CD2AP: variants seen among roughly 807,000 people sequenced by gnomAD.
The protein encoded by CD2AP is CD2 associated protein.
Under a neutral mutation model 85.1 loss-of-function variants are expected in CD2AP, and 46 were observed. The observed-to-expected ratio is 0.54, with a 90% confidence interval of 0.43 to 0.69. CD2AP has a LOEUF of 0.69. Among genes scored for constraint, CD2AP ranks in the 30% least tolerant of loss-of-function variants. The pLI, the probability that CD2AP is intolerant of heterozygous loss-of-function variation, is 0.00. For missense variants in CD2AP, 769 were observed against 729.5 expected, an observed-to-expected ratio of 1.05 and a Z score of -0.62; for synonymous variants, 255 against 252.9, an observed-to-expected ratio of 1.01 and a Z score of -0.08.
At chr6:47,486,253 C>A (rs1765561345) in intron 1 of CD2AP, among the ~76,000 whole-genome samples, 1 of 152,086 alleles carries the variant, frequency 6.6e-6, no homozygotes, top group African/African-American at 2.4e-5. Context: ...TTATTAGAAT[C>A]ACATTTTTGT....
At chr6:47,613,283 C>G (rs1184447885) in intron 17 of CD2AP, among the ~76,000 whole-genome samples, 1 of 152,050 alleles carries the variant, frequency 6.6e-6, no homozygotes, top group African/African-American at 2.4e-5. Flanking sequence ...GTTTATTTGC[C>G]TACATTTATC....
intron 17 of CD2AP, among the ~76,000 whole-genome samples, chr6:47,622,776 G>A (rs914924576): frequency 2.0e-5 from 3 of 152,128 alleles, no homozygotes; most frequent in African/African-American, 4.8e-5. Flanking sequence ...TCTTGCAGTC[G>A]GTCTGGAGTT....
rs766301489 is a variant in CD2AP, at chr6:47,574,215, A to G, written c.693A>G (p.Thr231=). 3 of 1,614,100 alleles carry G rather than the reference A, an allele frequency of 1.9e-6. No individual in the cohort carries two copies. The highest frequency in any genetic ancestry group is 2.5e-6 in the Non-Finnish European group (3 of 1,179,974). Residue 231 remains threonine, a synonymous_variant, in exon 6 of 18, where the codon ACA becomes ACG. Coordinates refer to ENST00000359314, the MANE Select transcript of CD2AP (RefSeq NM_012120.3). ...GCTCTGTGAAACTTCGGACAAGAACATCCAGTAGTGAAACAGAAGAGAAAA... is the reference window on the plus strand; with the variant it reads ...GCTCTGTGAAACTTCGGACAAGAACGTCCAGTAGTGAAACAGAAGAGAAAA... The part of the protein sequence containing the change: ...KEGSVKLRTR[T]SSSETEEKKP...
At chr6:47,548,983 A>G (rs1767441576) in intron 4 of CD2AP, among the ~76,000 whole-genome samples, 1 of 152,092 alleles carries the variant, frequency 6.6e-6, no homozygotes, top group South Asian at 2.1e-4. Flanking sequence ...TGCAGAAAAA[A>G]CATTAGACAA....
chr6:47,579,360 T>C (rs1768405959), intron 8 of CD2AP, 25 bp from the exon 9 acceptor site: 1 of 1,354,182 alleles, frequency 7.4e-7, no homozygotes, highest in African/African-American at 1.4e-5. Flanking sequence ...GTCTATTGTC[T>C]TAATTATTCT....
Position 47,597,809 on chromosome 6 carries a change from C to T in CD2AP, c.1275-1492C>T, listed in dbSNP as rs1045698088. Among the ~76,000 whole-genome samples the T allele has an allele frequency of 2.7e-5, 4 of 150,448 alleles. 1 individual carries two copies. Among genetic ancestry groups the T allele is most frequent in the African/African-American group, 4.9e-5 (2 of 41,192 alleles). The stretch of plus-strand genomic sequence containing the variant: ...CTGGTGTCGTGGAGTTTGGGACTGT[C>T]GAGGCTGCAGAGATGGCTGTCTGGA... On this transcript the variant is annotated intron_variant, in intron 12 of 17. Coordinates refer to ENST00000359314, the MANE Select transcript of CD2AP (RefSeq NM_012120.3).
At chr6:47,532,025 A>G (rs1341826656) in intron 2 of CD2AP, among the ~76,000 whole-genome samples, 1 of 151,874 alleles carries the variant, frequency 6.6e-6, no homozygotes, top group East Asian at 1.9e-4. Flanking sequence ...GTGACCAGAG[A>G]TCGCGCTCAG....
chr6:47,486,975 A>G (rs914593873), intron 1 of CD2AP, among the ~76,000 whole-genome samples: 5 of 152,204 alleles, frequency 3.3e-5, no homozygotes, highest in South Asian at 4.1e-4. Flanking sequence ...TGTGTTAGAA[A>G]CAACTTTTGG....
At chr6:47,499,991 AG>A (rs1765959685) in intron 1 of CD2AP, among the ~76,000 whole-genome samples, 1 of 152,244 alleles carries the variant, frequency 6.6e-6, no homozygotes, top group East Asian at 1.9e-4. Flanking sequence ...AGCCTCCCAA[AG>A]TGCTGGGATT....
intron 5 of CD2AP, among the ~76,000 whole-genome samples, chr6:47,555,087 T>G (rs140317660): frequency 2.6e-5 from 4 of 152,342 alleles, no homozygotes; most frequent in African/African-American, 9.6e-5. Flanking sequence ...CTGCTGAGTT[T>G]GCAAATGGCC....
chr6:47,517,267 G>A (rs79923144), intron 2 of CD2AP, among the ~76,000 whole-genome samples: 1 of 151,540 alleles, frequency 6.6e-6, no homozygotes, highest in African/African-American at 2.4e-5. Context: ...TTGCAGAACT[G>A]TGAGCCAATT....
chr6:47,508,191 C>T lies in CD2AP; in HGVS notation c.165+4751C>T, dbSNP rs537505521. On this transcript the variant is annotated intron_variant, in intron 2 of 17. Transcript: ENST00000359314. ...TTGATTTCTTTCTACTTATGAAAGT[C>T]CTAGGTGGTACCTTTTTCCAATAGA... Among the ~76,000 whole-genome samples, 11 of 152,354 alleles carry T rather than the reference C, an allele frequency of 7.2e-5. No homozygotes were observed. The South Asian group carries it at 2.3e-3, about 32-fold the overall frequency.
At chr6:47,550,850 C>G (rs1252859029) in intron 4 of CD2AP, among the ~76,000 whole-genome samples, 2 of 152,112 alleles carry the variant, frequency 1.3e-5, no homozygotes, top group African/African-American at 4.8e-5. Context: ...TACTACTCAG[C>G]CATAAAAAGG....
At chr6:47,583,948 G>T (rs1212617470) in intron 11 of CD2AP, among the ~76,000 whole-genome samples, 1 of 152,124 alleles carries the variant, frequency 6.6e-6, no homozygotes, top group Non-Finnish European at 1.5e-5. Context: ...TTGGATTTTG[G>T]CCTTTCTAAT....
At chr6:47,609,371 A>G (rs1769364273) in intron 16 of CD2AP, 67 bp downstream of exon 16, 4 of 1,290,216 alleles carry the variant, frequency 3.1e-6, no homozygotes, top group Non-Finnish European at 3.4e-6. Flanking sequence ...TTTTCAAACC[A>G]TATTAAGTAA....
intron 5 of CD2AP, among the ~76,000 whole-genome samples, chr6:47,558,694 C>G (rs1019442102): frequency 5.3e-5 from 8 of 152,150 alleles, no homozygotes; most frequent in African/African-American, 1.7e-4. Flanking sequence ...GGTGGATAAG[C>G]TTTTTAATGT....
Position 47,606,213 on chromosome 6 carries a change from T to A in CD2AP, c.1466T>A (p.Leu489His). ...GCTTCCTCAGAAAACTTGCTTCATC[T>A]CACTGCAAATAGACCAAAGATGCCT... ...DIASSENLLH[L>H]TANRPKMPGR... The change falls in exon 14 of 18, where the codon CTC becomes CAC. Residue 489 changes from leucine (L) to histidine (H), a missense_variant. Coordinates refer to ENST00000359314, the MANE Select transcript of CD2AP (RefSeq NM_012120.3). The A allele has an allele frequency of 6.2e-7, 1 of 1,612,020 alleles. No homozygotes were observed.
chr6:47,499,142 T>G (rs1199867047), intron 1 of CD2AP, among the ~76,000 whole-genome samples: 1 of 152,198 alleles, frequency 6.6e-6, no homozygotes, highest in Non-Finnish European at 1.5e-5. Flanking sequence ...AGGCTAATCT[T>G]ATACTTTTCC....
chr6:47,562,843 A>C, intron 5 of CD2AP: 1 of 976,154 alleles, frequency 1.0e-6, no homozygotes, highest in Non-Finnish European at 1.6e-6. Context: ...ACACCAAATC[A>C]ACCTAATGAA....
Sources: allele counts gnomAD v4.1 joint callset (sites outside exome capture counted in the v4.1 genomes callset), GRCh38; gene constraint gnomAD v4.1.1; transcripts MANE v1.5; gene names NCBI Gene and HGNC (gene_info 2026-07-23, HGNC 2026-07-21).